Variants in MAGI2 observed in about 807,000 individuals in gnomAD.
MAGI2 encodes the protein membrane associated guanylate kinase, WW and PDZ domain containing 2.
Under a neutral mutation model 133.3 loss-of-function variants are expected in MAGI2, and 35 were observed. The observed-to-expected ratio is 0.26, with a 90% CI of 0.20 to 0.35. The LOEUF is 0.35. MAGI2 is among the 10% of genes least tolerant of loss of function. The pLI is 1.00. For synonymous variants in MAGI2, 729 were observed against 710.6 expected (o/e 1.03, Z -0.41); for missense variants, 1,636 against 1,863.4 (o/e 0.88, Z 2.25).
intron 21 of MAGI2, among the ~76,000 whole-genome samples, chr7:78,068,379 T>C (rs1418055495): frequency 6.6e-6 from 1 of 151,934 alleles, no homozygotes; most frequent in Non-Finnish European, 1.5e-5. Context: ...AGCCCAGGGG[T>C]TGGGGACCCC....
chr7:79,021,421 G>A (rs542707858), intron 1 of MAGI2, among the ~76,000 whole-genome samples: 9 of 152,360 alleles, frequency 5.9e-5, no homozygotes, highest in Non-Finnish European at 1.2e-4. Flanking sequence ...AAAAGTCACA[G>A]GGGTGGAGCT....
At chr7:78,069,949 T>C (rs997339601) in intron 21 of MAGI2, among the ~76,000 whole-genome samples, 9 of 151,826 alleles carry the variant, frequency 5.9e-5, no homozygotes, top group African/African-American at 1.7e-4. Flanking sequence ...AAGATGTACA[T>C]GGGTGCTCTT....
Position 78,141,247 on chromosome 7 carries a change from T to A in MAGI2, c.2846-6041A>T, listed in dbSNP as rs1006885750. Among the ~76,000 whole-genome samples the A allele has an allele frequency of 3.9e-5, 6 of 152,118 alleles. No homozygotes were observed. In the East Asian group the frequency reaches 1.2e-3, roughly 29 times the overall value. On this transcript the variant is annotated intron_variant, in intron 16 of 21. Coordinates refer to ENST00000354212, the MANE Select transcript of MAGI2 (RefSeq NM_012301.4). ...TGAATGGAGACTGAGCACAGAGGAATGATGCGAGATTGTCACAAAGTGTTC... is the reference window on the plus strand; with the variant it reads ...TGAATGGAGACTGAGCACAGAGGAAAGATGCGAGATTGTCACAAAGTGTTC...
intron 2 of MAGI2, among the ~76,000 whole-genome samples, chr7:78,999,084 G>A (rs1391564327): frequency 1.3e-5 from 2 of 151,948 alleles, no homozygotes; most frequent in African/African-American, 2.4e-5. Flanking sequence ...GAAGTCCAAG[G>A]GTGTATATTT....
chr7:79,232,026 C>G (rs1004706190), intron 1 of MAGI2, among the ~76,000 whole-genome samples: 19 of 152,052 alleles, frequency 1.2e-4, no homozygotes, highest in African/African-American at 4.3e-4. Flanking sequence ...TTGTCAAAGG[C>G]TTTTTCTGCA....
At chr7:78,668,779 G>A (rs556938264) in intron 2 of MAGI2, among the ~76,000 whole-genome samples, 1,632 of 150,490 alleles carry the variant, frequency 0.011, 34 homozygotes, top group African/African-American at 0.038. Flanking sequence ...ACTCAAAACC[G>A]CTCAACTACA....
chr7:78,165,029 A>G (rs1825487249), intron 15 of MAGI2, among the ~76,000 whole-genome samples: 1 of 152,244 alleles, frequency 6.6e-6, no homozygotes, highest in East Asian at 1.9e-4. Context: ...TGCTATGACT[A>G]TTTGGTAAAT....
intron 1 of MAGI2, among the ~76,000 whole-genome samples, chr7:79,214,035 A>C (rs1258237466): frequency 6.6e-6 from 1 of 151,918 alleles, no homozygotes; most frequent in Non-Finnish European, 1.5e-5. Flanking sequence ...AGGACATCAG[A>C]TTTTCGCATG....
intron 1 of MAGI2, among the ~76,000 whole-genome samples, chr7:79,182,666 TAG>T (rs1826724002): frequency 2.0e-5 from 3 of 151,940 alleles, no homozygotes; most frequent in African/African-American, 7.3e-5. Context: ...CCATACAATC[TAG>T]CAATCCCACT....
chr7:79,278,273 G>T (rs916776053), intron 1 of MAGI2, among the ~76,000 whole-genome samples: 8 of 152,260 alleles, frequency 5.3e-5, no homozygotes, highest in African/African-American at 1.7e-4. Context: ...ATTAGTAAAA[G>T]CTCCCTGAGG....
chr7:78,220,430 T>C (rs1002873674), intron 10 of MAGI2, among the ~76,000 whole-genome samples: 10 of 152,178 alleles, frequency 6.6e-5, no homozygotes. Flanking sequence ...CTAAGTAGAT[T>C]ATAAGCTTCT....
intron 1 of MAGI2, among the ~76,000 whole-genome samples, chr7:79,428,117 G>C (rs1388040740): frequency 6.6e-6 from 1 of 152,096 alleles, no homozygotes; most frequent in Non-Finnish European, 1.5e-5. Context: ...TTGACTTTTA[G>C]ATTTTTAAAG....
chr7:78,929,387 G>C (rs576195418), intron 2 of MAGI2, among the ~76,000 whole-genome samples: 11 of 152,092 alleles, frequency 7.2e-5, no homozygotes, highest in Admixed American at 1.3e-4. Flanking sequence ...CATTGCTGCT[G>C]TAACAAATTA....
intron 1 of MAGI2, among the ~76,000 whole-genome samples, chr7:79,017,335 C>T (rs1027010497): frequency 4.7e-4 from 72 of 152,150 alleles, no homozygotes; most frequent in African/African-American, 1.7e-3. Context: ...GAGCCCTGGC[C>T]CCCTAAAGTC....
intron 1 of MAGI2, among the ~76,000 whole-genome samples, chr7:79,163,918 A>AT (rs1311419354): frequency 6.6e-6 from 1 of 151,936 alleles, no homozygotes; most frequent in Non-Finnish European, 1.5e-5. Flanking sequence ...CTGATCCAGG[A>AT]TTTTTTCTTC....
At chr7:78,504,056 T>A (rs1003276829) in intron 4 of MAGI2, among the ~76,000 whole-genome samples, 10 of 152,134 alleles carry the variant, frequency 6.6e-5, no homozygotes, top group African/African-American at 2.4e-4. Flanking sequence ...AAATTTGTAA[T>A]ATGTGTTAAA....
intron 2 of MAGI2, among the ~76,000 whole-genome samples, chr7:78,782,322 C>T (rs1826460459): frequency 6.6e-6 from 1 of 152,212 alleles, no homozygotes; most frequent in African/African-American, 2.4e-5. Context: ...GGCTTCTAGC[C>T]TCGTCTTTCC....
chr7:78,760,767 T>C (rs1475020905), intron 2 of MAGI2, among the ~76,000 whole-genome samples: 1 of 152,200 alleles, frequency 6.6e-6, no homozygotes, highest in Non-Finnish European at 1.5e-5. Context: ...ACATAAGGTA[T>C]TCATTAGCTT....
intron 1 of MAGI2, among the ~76,000 whole-genome samples, chr7:79,204,223 C>T (rs1828848416): frequency 1.3e-5 from 2 of 152,066 alleles, no homozygotes; most frequent in South Asian, 4.1e-4. Context: ...TCTGGATCTA[C>T]CCTGGTGTCA....
Sources: gnomAD v4.1 joint callset for allele counts (sites outside exome capture counted in the v4.1 genomes callset) on GRCh38, gnomAD v4.1.1 for gene constraint, MANE v1.5 for transcripts, NCBI Gene and HGNC (gene_info 2026-07-23, HGNC 2026-07-21) for gene names.